Variants in GSE1 observed in about 807,000 individuals in gnomAD.
The protein encoded by GSE1 is Gse1 coiled-coil protein, also known as genetic suppressor element 1.
Under a neutral mutation model 112.6 loss-of-function variants are expected in GSE1, and 32 were observed. That is an observed-to-expected ratio of 0.28 (90% CI 0.21 to 0.38). The LOEUF is 0.38. GSE1 is among the 10% of genes least tolerant of loss of function. The probability of loss-of-function intolerance (pLI) is 1.00; values close to 1 mark genes in which losing one functional copy is unlikely to be tolerated. For missense variants in GSE1, 2,348 were observed against 1,699.2 expected, an observed-to-expected ratio of 1.38 and a Z score of -6.71; for synonymous variants, 1,115 against 735.6, an observed-to-expected ratio of 1.52 and a Z score of -8.35.
chr16:85,186,985 G>A (rs373215097), intron 1 of GSE1, among the ~76,000 whole-genome samples: 2 of 152,232 alleles, frequency 1.3e-5, no homozygotes, highest in Non-Finnish European at 2.9e-5. Context: ...GGGTGATTTG[G>A]TGGGGTCTGG....
At chr16:85,342,471 G>A (rs564803856) in intron 1 of GSE1, among the ~76,000 whole-genome samples, 4 of 152,232 alleles carry the variant, frequency 2.6e-5, no homozygotes, top group East Asian at 3.9e-4. Flanking sequence ...ATTGTGTCAC[G>A]CTCATCTGCG....
intron 1 of GSE1, among the ~76,000 whole-genome samples, chr16:85,575,150 C>T (rs542525741): frequency 7.9e-5 from 12 of 151,770 alleles, no homozygotes; most frequent in African/African-American, 2.2e-4. Context: ...TACAGAATGT[C>T]AGAGGCACGC....
At chr16:85,612,353 G>T (rs1418080329), upstream of GSE1, among the ~76,000 whole-genome samples, 2 of 151,962 alleles carry the variant, frequency 1.3e-5, no homozygotes, top group Non-Finnish European at 2.9e-5. Context: ...GACGCTCCCT[G>T]AGTCATTCCA....
At chr16:85,170,569 A>G in exon 1 of GSE1, 1 of 985,676 alleles carries the variant, frequency 1.0e-6, no homozygotes, top group Non-Finnish European at 1.2e-6. Flanking sequence ...AGAGAAGAAC[A>G]GTGGCCGTGT....
intron 1 of GSE1, among the ~76,000 whole-genome samples, chr16:85,618,981 G>C (rs1046158102): frequency 6.6e-6 from 1 of 152,236 alleles, no homozygotes; most frequent in African/African-American, 2.4e-5. Context: ...AATTTATAAA[G>C]TTCCAAGGCT....
rs1483914289 is a variant in GSE1 at position 85,675,830 on chromosome 16, C to G, written c.*3291C>G. 1.3e-5 allele frequency: 2 copies of G among 152,370 alleles called. No individual in the cohort carries two copies. The highest frequency in any genetic ancestry group is 2.1e-4 in the South Asian group (1 of 4,826). 9.4% of individuals were successfully genotyped at this position (152,370 alleles called of 1,614,324 possible). The stretch of plus-strand genomic sequence containing the variant: ...CCACTTAGCAATCTCTATATTCTTT[C>G]AAGTAACCAAGCTGTTGACTTTCTT... On this transcript the variant is annotated 3_prime_UTR_variant, in exon 16 of 16. Transcript: ENST00000253458.
chr16:85,199,709 C>T (rs1597784139), intron 1 of GSE1, among the ~76,000 whole-genome samples: 1 of 152,026 alleles, frequency 6.6e-6, no homozygotes, highest in East Asian at 1.9e-4. Context: ...AGCTCAGGAT[C>T]CAAAAAGGAT....
intron 1 of GSE1, chr16:85,278,741 T>C (rs1368629833): frequency 6.5e-6 from 1 of 152,992 alleles, no homozygotes; most frequent in Non-Finnish European, 1.5e-5. Flanking sequence ...CACATATTCA[T>C]GTTTCATAGT....
chr16:85,370,904 C>T (rs967129817), intron 2 of GSE1, among the ~76,000 whole-genome samples: 4 of 152,224 alleles, frequency 2.6e-5, no homozygotes, highest in African/African-American at 4.8e-5. Flanking sequence ...CACTACCCTC[C>T]GAGCCAGCCT....
At chr16:85,650,381 G>T (rs987802268) in intron 3 of GSE1, among the ~76,000 whole-genome samples, 1 of 152,120 alleles carries the variant, frequency 6.6e-6, no homozygotes, top group Non-Finnish European at 1.5e-5. Context: ...TGGTGCCAGC[G>T]CCCGCAGCTC....
chr16:85,532,219 A>C (rs928678308), intron 2 of GSE1, among the ~76,000 whole-genome samples: 4 of 152,144 alleles, frequency 2.6e-5, no homozygotes, highest in Admixed American at 2.0e-4. Context: ...GGCACGTAGG[A>C]GTATGCCTAA....
At chr16:85,401,432 C>A (rs112876953) in intron 2 of GSE1, among the ~76,000 whole-genome samples, 13 of 152,148 alleles carry the variant, frequency 8.5e-5, no homozygotes, top group African/African-American at 3.1e-4. Flanking sequence ...GACCGGAGCT[C>A]GGGGGCTCTG....
At chr16:85,383,146 C>T (rs1304244938) in intron 2 of GSE1, among the ~76,000 whole-genome samples, 1 of 151,966 alleles carries the variant, frequency 6.6e-6, no homozygotes, top group Non-Finnish European at 1.5e-5. Context: ...CATAACACAC[C>T]CATATATACA....
At chr16:85,195,228 G>A (rs2074904034) in intron 1 of GSE1, among the ~76,000 whole-genome samples, 1 of 152,182 alleles carries the variant, frequency 6.6e-6, no homozygotes, top group Admixed American at 6.5e-5. Flanking sequence ...CATTCACTGG[G>A]GCGGTAATAA....
At chr16:85,352,653 C>A (rs913815341) in intron 1 of GSE1, among the ~76,000 whole-genome samples, 1 of 152,176 alleles carries the variant, frequency 6.6e-6, no homozygotes, top group Non-Finnish European at 1.5e-5. Context: ...GGAAGGGGGG[C>A]CCTTTGCCTC....
intron 2 of GSE1, among the ~76,000 whole-genome samples, chr16:85,437,641 G>T (rs546049564): frequency 1.3e-5 from 2 of 152,128 alleles, no homozygotes; most frequent in Non-Finnish European, 2.9e-5. Flanking sequence ...CTCAGCCTGC[G>T]CAGGAGCCGC....
intron 2 of GSE1, among the ~76,000 whole-genome samples, chr16:85,456,594 GTGTGT>G (rs1306749700): frequency 7.5e-6 from 1 of 134,116 alleles, no homozygotes; most frequent in Non-Finnish European, 1.5e-5. Flanking sequence ...GTGTGTGTGT[GTGTGT>G]GTGTGTGTGT....
chr16:85,459,969 AT>A (rs1358830872), intron 2 of GSE1, among the ~76,000 whole-genome samples: 1 of 152,130 alleles, frequency 6.6e-6, no homozygotes, highest in Non-Finnish European at 1.5e-5. Context: ...TTCTCAAAGC[AT>A]TTCTGCCAGA....
chr16:85,443,027 G>A (rs1164764439), intron 2 of GSE1, among the ~76,000 whole-genome samples: 1 of 152,212 alleles, frequency 6.6e-6, no homozygotes, highest in African/African-American at 2.4e-5. Context: ...TTCTTTTAAG[G>A]ACACCTGTCA....
Sources: gnomAD v4.1 joint callset for allele counts (sites outside exome capture counted in the v4.1 genomes callset) on GRCh38, gnomAD v4.1.1 for gene constraint, MANE v1.5 for transcripts, NCBI Gene and HGNC (gene_info 2026-07-23, HGNC 2026-07-21) for gene names.